PAN3: variants seen among roughly 807,000 people sequenced by gnomAD.
PAN3 encodes PAN2-PAN3 deadenylation complex subunit PAN3.
In PAN3, 19 loss-of-function variants were observed where a neutral mutation model predicts 96.2. The observed-to-expected ratio is 0.20, with a 90% CI of 0.14 to 0.29. The LOEUF is 0.29. Among genes scored for constraint, PAN3 ranks in the 10% least tolerant of loss-of-function variants. The pLI is 1.00. For synonymous variants in PAN3, 433 were observed against 406.6 expected (o/e 1.06, Z -0.78); for missense variants, 882 against 1,108.1 (o/e 0.80, Z 2.90).
intron 1 of PAN3, among the ~76,000 whole-genome samples, chr13:28,156,992 CAAAAAAAAAA>C (rs35448291): frequency 7.6e-4 from 14 of 18,450 alleles, no homozygotes; most frequent in African/African-American, 2.2e-3. Flanking sequence ...GAGACCCTGT[CAAAAAAAAAA>C]AAAAAAAAAA....
chr13:28,273,561 A>T (rs2138681934), intron 14 of PAN3, among the ~76,000 whole-genome samples: 1 of 152,088 alleles, frequency 6.6e-6, no homozygotes, highest in Non-Finnish European at 1.5e-5. Flanking sequence ...AGATCGCACC[A>T]CTGCACTCCT....
At chr13:28,184,069 T>G (rs1375632220) in intron 4 of PAN3, among the ~76,000 whole-genome samples, 13 of 152,118 alleles carry the variant, frequency 8.5e-5, no homozygotes, top group African/African-American at 3.1e-4. Flanking sequence ...TGTTCAGGCC[T>G]CCTCCTCCCC....
intron 4 of PAN3, among the ~76,000 whole-genome samples, chr13:28,183,112 A>T (rs761796538): frequency 1.1e-4 from 16 of 152,180 alleles, no homozygotes; most frequent in Non-Finnish European, 2.4e-4. Flanking sequence ...AATCCTTCTG[A>T]TGGTTAAGCT....
chr13:28,154,735 A>T (rs536614473), intron 1 of PAN3, among the ~76,000 whole-genome samples: 12 of 151,224 alleles, frequency 7.9e-5, no homozygotes, highest in African/African-American at 2.9e-4. Context: ...ACCTCAGGCA[A>T]TCCACCCACT....
intron 1 of PAN3, among the ~76,000 whole-genome samples, chr13:28,166,915 C>G (rs1016552258): frequency 5.3e-5 from 8 of 152,120 alleles, no homozygotes; most frequent in African/African-American, 1.9e-4. Flanking sequence ...CCCTAGAAAA[C>G]AGTTTTGTGC....
intron 1 of PAN3, among the ~76,000 whole-genome samples, chr13:28,145,616 T>G (rs1415292671): frequency 6.6e-6 from 1 of 152,034 alleles, no homozygotes; most frequent in Non-Finnish European, 1.5e-5. Context: ...CGTGACCCAC[T>G]GTGCCTAGCC....
intron 1 of PAN3, among the ~76,000 whole-genome samples, chr13:28,161,439 A>G (rs968395066): frequency 6.6e-6 from 1 of 152,168 alleles, no homozygotes; most frequent in Non-Finnish European, 1.5e-5. Context: ...TCTGTGTTCA[A>G]ATTTCCCTTT....
At chr13:28,236,579 A>G (rs1373251528) in intron 6 of PAN3, among the ~76,000 whole-genome samples, 2 of 152,162 alleles carry the variant, frequency 1.3e-5, no homozygotes, top group African/African-American at 4.8e-5. Context: ...AGATTTTTTT[A>G]TCTGTTTTAA....
intron 1 of PAN3, 121 bp downstream of exon 1, chr13:28,139,208 G>T (rs897605320): frequency 1.8e-6 from 2 of 1,111,878 alleles, no homozygotes; most frequent in Non-Finnish European, 2.3e-6. Context: ...CTCCCAAGGC[G>T]GTCTGAGAGG....
Position 28,197,192 on chromosome 13 carries a change from A to G in PAN3, c.698A>G (p.Lys233Arg). Residue 233 changes from lysine (K) to arginine (R), a missense_variant, in exon 5 of 19, where the codon AAG (lysine) becomes AGG (arginine). Lys to Arg is a conservative substitution (Grantham distance 26). Transcript: ENST00000380958. ...LNISQRRKPRKYRLGMLEERL... is the reference protein window; with the variant it reads ...LNISQRRKPRRYRLGMLEERL... ...TTTCCTTCTTTTTCCTAGCCAAGGAAGTATCGCCTGGGGATGCTGGAGGAG... is the reference window on the plus strand; with the variant it reads ...TTTCCTTCTTTTTCCTAGCCAAGGAGGTATCGCCTGGGGATGCTGGAGGAG... 1.2e-6 allele frequency: 2 copies of G among 1,612,538 alleles called. No homozygotes were observed. Among genetic ancestry groups the G allele is most frequent in the African/African-American group, 1.3e-5 (1 of 74,958 alleles).
At chr13:28,183,670 C>T (rs370661633) in intron 4 of PAN3, among the ~76,000 whole-genome samples, 47 of 152,272 alleles carry the variant, frequency 3.1e-4, no homozygotes, top group African/African-American at 1.0e-3. Context: ...GATAATAACA[C>T]GGCAGTGTTG....
At chr13:28,166,514 C>T (rs574357447) in intron 1 of PAN3, among the ~76,000 whole-genome samples, 38 of 152,320 alleles carry the variant, frequency 2.5e-4, no homozygotes, top group African/African-American at 8.9e-4. Context: ...GCCTCTGGCT[C>T]TCCTAGGCTG....
At chr13:28,247,372 C>G (rs1884299034) in intron 6 of PAN3, among the ~76,000 whole-genome samples, 1 of 152,042 alleles carries the variant, frequency 6.6e-6, no homozygotes. Flanking sequence ...TATATATTCT[C>G]TCTTTCTGCA....
chr13:28,201,378 A>T (rs1310865031), intron 5 of PAN3, among the ~76,000 whole-genome samples: 1 of 151,736 alleles, frequency 6.6e-6, no homozygotes, highest in African/African-American at 2.4e-5. Flanking sequence ...TAATAAAAAA[A>T]TTTTTATAAT....
intron 7 of PAN3, among the ~76,000 whole-genome samples, chr13:28,257,638 T>C (rs1435293292): frequency 1.4e-5 from 2 of 145,266 alleles, no homozygotes; most frequent in Admixed American, 7.1e-5. Context: ...ACTATAAATA[T>C]ATTGTAAAAT....
upstream of PAN3, chr13:28,138,209 C>G (rs926966680): frequency 6.6e-6 from 1 of 152,196 alleles, no homozygotes; most frequent in African/African-American, 2.4e-5. Flanking sequence ...CGGCGACGGC[C>G]GTCTCAGGAA....
chr13:28,199,976 G>A (rs1035348594), intron 5 of PAN3, among the ~76,000 whole-genome samples: 5 of 152,034 alleles, frequency 3.3e-5, no homozygotes, highest in Non-Finnish European at 5.9e-5. Flanking sequence ...AGCTCTTTAC[G>A]CGTATTGTCT....
chr13:28,191,852 A>G (rs1461326712), intron 4 of PAN3, among the ~76,000 whole-genome samples: 1 of 151,486 alleles, frequency 6.6e-6, no homozygotes, highest in Non-Finnish European at 1.5e-5. Context: ...CGATGCTCCC[A>G]CCTCAGGCTC....
At chr13:28,145,312 C>G (rs187057335) in intron 1 of PAN3, among the ~76,000 whole-genome samples, 2 of 151,852 alleles carry the variant, frequency 1.3e-5, no homozygotes, top group Non-Finnish European at 2.9e-5. Flanking sequence ...GTTTGGCTTT[C>G]AATTTTTTGA....
Sources: gnomAD v4.1 joint callset for allele counts (sites outside exome capture counted in the v4.1 genomes callset) on GRCh38, gnomAD v4.1.1 for gene constraint, MANE v1.5 for transcripts, NCBI Gene and HGNC (gene_info 2026-07-23, HGNC 2026-07-21) for gene names.